Variants in CCSER1 observed in about 807,000 individuals in gnomAD.
CCSER1 encodes serine-rich coiled-coil domain-containing protein 1.
In CCSER1, 41 loss-of-function variants were observed where a neutral mutation model predicts 82.0. The ratio of observed to expected loss-of-function variants is 0.50; its 90% CI spans 0.39 to 0.65. The LOEUF is 0.65. Ranked by LOEUF, CCSER1 falls within the 30% of genes least tolerant of loss-of-function variation. CCSER1 has a pLI of 0.00. For synonymous variants in CCSER1, 414 were observed against 383.9 expected, an observed-to-expected ratio of 1.08 and a Z score of -0.92; for missense variants, 1,119 against 1,064.2, an observed-to-expected ratio of 1.05 and a Z score of -0.72.
chr4:90,334,748 A>T (rs1740049801), intron 3 of CCSER1, among the ~76,000 whole-genome samples: 1 of 152,198 alleles, frequency 6.6e-6, no homozygotes, highest in South Asian at 2.1e-4. Context: ...CGTTCCTAAG[A>T]GAAGGACACC....
chr4:91,353,268 A>G (rs1020838490), intron 10 of CCSER1, among the ~76,000 whole-genome samples: 3 of 151,334 alleles, frequency 2.0e-5, no homozygotes, highest in African/African-American at 7.3e-5. Context: ...TCACAACACT[A>G]AAGATTTCAC....
At chr4:90,491,875 T>A (rs1398190877) in intron 5 of CCSER1, among the ~76,000 whole-genome samples, 2 of 152,198 alleles carry the variant, frequency 1.3e-5, no homozygotes, top group Non-Finnish European at 2.9e-5. Context: ...GCCCACTTGA[T>A]AATGGTTGAT....
intron 10 of CCSER1, among the ~76,000 whole-genome samples, chr4:91,541,473 C>T (rs573349563): frequency 4.1e-4 from 62 of 152,184 alleles, no homozygotes; most frequent in Admixed American, 5.9e-4. Context: ...TGAGAACATG[C>T]GGTGTTTGGT....
At chr4:90,781,228 A>G (rs1753734133) in intron 7 of CCSER1, 1 of 979,998 alleles carries the variant, frequency 1.0e-6, no homozygotes, top group South Asian at 4.7e-5. Context: ...TTTCCAAACT[A>G]TATCACTCAG....
Position 90,191,884 on chromosome 4 carries a change from GGAAGTTT to G in CCSER1, c.-42+64054_-42+64060del, listed in dbSNP as rs1252304028. Among the ~76,000 whole-genome samples, 4 of 151,986 alleles carry G rather than the reference GGAAGTTT, an allele frequency of 2.6e-5. No homozygotes were observed. The East Asian group carries it at 5.8e-4, about 22-fold the overall frequency. ...TGTTAATCTGTGACTTTTAGAATGTGGAAGTTTTCTACTATATACTAGAGACATTGCA... is the reference window on the plus strand; with the variant it reads ...TGTTAATCTGTGACTTTTAGAATGTGTCTACTATATACTAGAGACATTGCA... On this transcript the variant is annotated intron_variant, in intron 1 of 10. Transcript: ENST00000509176.
chr4:91,104,197 T>A (rs572755593), intron 10 of CCSER1, among the ~76,000 whole-genome samples: 2 of 152,356 alleles, frequency 1.3e-5, no homozygotes, highest in South Asian at 4.1e-4. Flanking sequence ...TATGCACCAC[T>A]GAACATAGCC....
chr4:91,490,885 TATATATATATATATATATATATATATA>T (rs1255967927), intron 10 of CCSER1, among the ~76,000 whole-genome samples: 2 of 33,520 alleles, frequency 6.0e-5, no homozygotes, highest in African/African-American at 2.5e-4. Context: ...TATATATATA[TATATATATATATATATATATATATATA>T]TATATATATA....
intron 5 of CCSER1, among the ~76,000 whole-genome samples, chr4:90,550,205 G>A (rs554248720): frequency 2.6e-5 from 4 of 152,230 alleles, no homozygotes; most frequent in South Asian, 2.1e-4. Flanking sequence ...ATCACAGGGC[G>A]TGCTAAACTT....
chr4:90,462,047 T>G (rs1420973346), intron 4 of CCSER1, among the ~76,000 whole-genome samples: 1 of 152,172 alleles, frequency 6.6e-6, no homozygotes, highest in Non-Finnish European at 1.5e-5. Flanking sequence ...CTTATCTGCT[T>G]CTTTTTTTTC....
At chr4:90,652,271 T>C (rs1169674864) in intron 6 of CCSER1, among the ~76,000 whole-genome samples, 1 of 152,190 alleles carries the variant, frequency 6.6e-6, no homozygotes, top group Non-Finnish European at 1.5e-5. Flanking sequence ...TGATTAAACA[T>C]GCAGTAAAAT....
intron 10 of CCSER1, among the ~76,000 whole-genome samples, chr4:91,444,472 CAG>C (rs1229214335): frequency 6.7e-6 from 1 of 149,772 alleles, no homozygotes; most frequent in African/African-American, 2.5e-5. Flanking sequence ...TTTTTTGAGA[CAG>C]AGTCTCCCTC....
intron 1 of CCSER1, among the ~76,000 whole-genome samples, chr4:90,275,583 A>T (rs1214130244): frequency 6.6e-6 from 1 of 152,136 alleles, no homozygotes; most frequent in Non-Finnish European, 1.5e-5. Context: ...TGCCCCTTCG[A>T]CAAAAATTTT....
chr4:91,086,951 G>A (rs866552234), intron 10 of CCSER1, among the ~76,000 whole-genome samples: 3 of 152,106 alleles, frequency 2.0e-5, no homozygotes, highest in Non-Finnish European at 2.9e-5. Context: ...GGAAGAGCTA[G>A]ATGAAGTGAA....
At chr4:90,399,739 T>G (rs1370067284) in intron 3 of CCSER1, among the ~76,000 whole-genome samples, 1 of 152,084 alleles carries the variant, frequency 6.6e-6, no homozygotes, top group Non-Finnish European at 1.5e-5. Flanking sequence ...TTCTAATATC[T>G]TTCATATCTG....
intron 5 of CCSER1, among the ~76,000 whole-genome samples, chr4:90,541,644 C>T (rs1181340918): frequency 1.3e-5 from 2 of 152,030 alleles, no homozygotes; most frequent in African/African-American, 4.8e-5. Flanking sequence ...GTAGTGTTCT[C>T]TCCTGTTCTC....
At chr4:90,282,308 C>T (rs1729002939) in intron 1 of CCSER1, among the ~76,000 whole-genome samples, 1 of 151,570 alleles carries the variant, frequency 6.6e-6, no homozygotes, top group African/African-American at 2.4e-5. Flanking sequence ...CATCATATAC[C>T]ATGTTATTTC....
intron 5 of CCSER1, among the ~76,000 whole-genome samples, chr4:90,498,961 T>C (rs186315587): frequency 2.6e-5 from 4 of 152,284 alleles, no homozygotes; most frequent in African/African-American, 7.2e-5. Context: ...ACTCCACTTA[T>C]AAGTTTTAAA....
intron 8 of CCSER1, among the ~76,000 whole-genome samples, chr4:90,828,116 G>A (rs1760703014): frequency 6.6e-6 from 1 of 152,098 alleles, no homozygotes; most frequent in Admixed American, 6.6e-5. Context: ...GGCAATAGCT[G>A]TATTACTTTC....
chr4:90,835,898 A>G (rs1761748355), intron 8 of CCSER1, among the ~76,000 whole-genome samples: 1 of 152,216 alleles, frequency 6.6e-6, no homozygotes, highest in African/African-American at 2.4e-5. Flanking sequence ...GGGGCATAAT[A>G]CTGCGTGTTT....
Sources: gnomAD v4.1 joint callset for allele counts (sites outside exome capture counted in the v4.1 genomes callset) on GRCh38, gnomAD v4.1.1 for gene constraint, MANE v1.5 for transcripts, NCBI Gene and HGNC (gene_info 2026-07-23, HGNC 2026-07-21) for gene names.